TMC1: variants seen among roughly 807,000 people sequenced by gnomAD.
TMC1 encodes the protein transmembrane channel-like protein 1.
TMC1 carries 84 observed loss-of-function variants against 105.8 expected under a neutral mutation model. That is an observed-to-expected ratio of 0.79 (90% CI 0.67 to 0.95). The LOEUF (loss-of-function observed/expected upper bound fraction) is 0.95, where lower values mean the gene tolerates loss of function less well. Among genes scored for constraint, TMC1 ranks in the 40% least tolerant of loss-of-function variants. The probability of loss-of-function intolerance (pLI) is 0.00; values close to 1 mark genes in which losing one functional copy is unlikely to be tolerated. For missense variants in TMC1, 817 were observed against 914.1 expected, an observed-to-expected ratio of 0.89 and a Z score of 1.37; for synonymous variants, 315 against 311.5, an observed-to-expected ratio of 1.01 and a Z score of -0.12.
At chr9:72,694,826 CT>C in intron 7 of TMC1, 112 bp downstream of exon 7, 2 of 1,009,956 alleles carry the variant, frequency 2.0e-6, no homozygotes, top group Non-Finnish European at 3.0e-6. Context: ...GAAAGAGAGC[CT>C]TAATCTGATG....
In TMC1 at chr9:72,544,344, C is replaced by T. The variant is rs1037705254; in HGVS notation, c.-428+22431C>T. 5.9e-5 allele frequency among the ~76,000 whole-genome samples: 9 copies of T among 152,282 alleles called. No homozygotes were observed. The East Asian group carries it at 1.7e-3, about 29-fold the overall frequency. The stretch of plus-strand genomic sequence containing the variant: ...GACCAGGCCCCTCAAGGTATATCCA[C>T]TTCACTCAAGCCATGTTTGTCTCAT... On this transcript the variant is annotated intron_variant, in intron 1 of 23. Coordinates refer to ENST00000297784, the MANE Select transcript of TMC1 (RefSeq NM_138691.3).
At position 72,663,981 on chromosome 9, in the gene TMC1, C is replaced by T. The variant is rs544030249; in HGVS notation, c.16+15317C>T. ...CATCAATATCATTATCCACCACCTC[C>T]ACATCTTGTCCCACTGGAAGATCTT... is the stretch of plus-strand genomic sequence containing the variant. On this transcript the variant is annotated intron_variant, in intron 5 of 23. Coordinates refer to ENST00000297784, the MANE Select transcript of TMC1 (RefSeq NM_138691.3). Among the ~76,000 whole-genome samples the T allele has an allele frequency of 3.3e-5, 5 of 152,262 alleles. No homozygotes were observed. In the East Asian group the frequency reaches 9.7e-4, roughly 29 times the overall value.
At chr9:72,527,918 G>C (rs960263327) in intron 1 of TMC1, among the ~76,000 whole-genome samples, 1 of 152,094 alleles carries the variant, frequency 6.6e-6, no homozygotes, top group Admixed American at 6.5e-5. Context: ...TCTAAGATCT[G>C]AGAAGGAGCC....
chr9:72,793,046 C>T (rs1344885229), intron 17 of TMC1, among the ~76,000 whole-genome samples: 1 of 152,118 alleles, frequency 6.6e-6, no homozygotes, highest in African/African-American at 2.4e-5. Context: ...ACCCTTGTGT[C>T]AGGAGATATC....
At chr9:72,559,131 G>A (rs990423180) in intron 1 of TMC1, among the ~76,000 whole-genome samples, 11 of 149,734 alleles carry the variant, frequency 7.3e-5, no homozygotes, top group Non-Finnish European at 1.5e-4. Context: ...GTCTTGCTTC[G>A]TCGCCCAGGC....
intron 10 of TMC1, among the ~76,000 whole-genome samples, chr9:72,750,060 T>C (rs959476428): frequency 4.6e-5 from 7 of 152,054 alleles, no homozygotes; most frequent in African/African-American, 1.7e-4. Context: ...TGAGCCAAGA[T>C]TGCGCCACTG....
In TMC1 at chr9:72,570,229, T is replaced by TGTGTG. The variant is rs756068731; in HGVS notation, c.-427-7673_-427-7672insGTGTG. 6.0e-3 allele frequency among the ~76,000 whole-genome samples: 528 copies of TGTGTG among 87,632 alleles called. 2 individuals are homozygous for TGTGTG. The highest frequency in any genetic ancestry group is 0.03 in the African/African-American group (501 of 16,896). 57.5% of individuals were successfully genotyped at this position (87,632 alleles called of 152,430 possible). Reference sequence around the variant, plus strand: ...TTGAAAGGGGGTGGGGCTCAAAGAGTAGTGTGTGTGTGTGTGTGTGTGTGT... The same window carrying TGTGTG: ...TTGAAAGGGGGTGGGGCTCAAAGAGTGTGTGAGTGTGTGTGTGTGTGTGTGTGTGT... On this transcript the variant is annotated intron_variant, in intron 1 of 23. Coordinates refer to ENST00000297784, the MANE Select transcript of TMC1 (RefSeq NM_138691.3).
intron 12 of TMC1, among the ~76,000 whole-genome samples, chr9:72,758,301 A>G (rs1303521125): frequency 6.6e-6 from 1 of 152,212 alleles, no homozygotes; most frequent in Non-Finnish European, 1.5e-5. Context: ...CACATTCTCT[A>G]TACTAGGGTC....
At chr9:72,780,621 T>TA (rs1828081567) in intron 13 of TMC1, among the ~76,000 whole-genome samples, 1 of 152,046 alleles carries the variant, frequency 6.6e-6, no homozygotes, top group Non-Finnish European at 1.5e-5. Flanking sequence ...AAGAAATTGA[T>TA]AAAAATCTAT....
At chr9:72,624,360 C>A (rs556706163) in intron 3 of TMC1, among the ~76,000 whole-genome samples, 2 of 152,134 alleles carry the variant, frequency 1.3e-5, no homozygotes, top group Non-Finnish European at 2.9e-5. Context: ...AGTGTGAGAT[C>A]TGCTTTGTGT....
At chr9:72,573,172 A>G (rs1824316637) in intron 1 of TMC1, among the ~76,000 whole-genome samples, 1 of 152,150 alleles carries the variant, frequency 6.6e-6, no homozygotes, top group Admixed American at 6.5e-5. Flanking sequence ...ACCACATGAT[A>G]TGTGCCTGGT....
intron 1 of TMC1, among the ~76,000 whole-genome samples, chr9:72,529,825 C>G (rs1564392258): frequency 6.6e-6 from 1 of 152,090 alleles, no homozygotes; most frequent in Non-Finnish European, 1.5e-5. Context: ...AAACCAGTTT[C>G]CCTCACCTGC....
chr9:72,573,813 A>AG (rs1188981171), intron 1 of TMC1, among the ~76,000 whole-genome samples: 15 of 152,112 alleles, frequency 9.9e-5, no homozygotes, highest in African/African-American at 3.6e-4. Flanking sequence ...ATTTTAGGTT[A>AG]GGGGGTACAT....
intron 2 of TMC1, among the ~76,000 whole-genome samples, chr9:72,597,563 G>C (rs1036985354): frequency 4.6e-5 from 7 of 152,136 alleles, no homozygotes; most frequent in Non-Finnish European, 8.8e-5. Flanking sequence ...TTCTTACCCT[G>C]GGTCCTGAGT....
rs747235757 is a variant in TMC1 at position 72,816,104 on chromosome 9, T to C, written c.1696-39T>C. 36 of 1,595,398 alleles carry C rather than the reference T, an allele frequency of 2.3e-5. No homozygotes were observed. The East Asian group carries it at 6.7e-4, about 30-fold the overall frequency. ...ACAATTTGCCTTTCAGTTTTGACCA[T>C]GTGAGACGCTAATCCAATGAACATT... On this transcript the variant is annotated intron_variant, in intron 18 of 23. Transcript: ENST00000297784.
chr9:72,816,047 A>C (rs1039296586), intron 18 of TMC1, 96 bp from the exon 19 acceptor site: 8 of 1,001,162 alleles, frequency 8.0e-6, no homozygotes, highest in Non-Finnish European at 1.3e-5. Flanking sequence ...GCTGAAGGGA[A>C]GTAATTGAAA....
intron 1 of TMC1, among the ~76,000 whole-genome samples, chr9:72,552,812 G>C (rs1170077259): frequency 6.6e-6 from 1 of 151,950 alleles, no homozygotes; most frequent in Non-Finnish European, 1.5e-5. Flanking sequence ...TTTAATGGCT[G>C]ATCTATTTAT....
chr9:72,587,687 G>A (rs1824576633), intron 2 of TMC1, among the ~76,000 whole-genome samples: 1 of 152,048 alleles, frequency 6.6e-6, no homozygotes, highest in Non-Finnish European at 1.5e-5. Context: ...GCCCAGAATT[G>A]ACATATATTC....
chr9:72,602,630 C>T (rs1824837405), intron 2 of TMC1, among the ~76,000 whole-genome samples: 1 of 152,150 alleles, frequency 6.6e-6, no homozygotes, highest in Non-Finnish European at 1.5e-5. Context: ...CCGCCTCGGC[C>T]TCCCAAAATG....
Sources: allele counts gnomAD v4.1 joint callset (sites outside exome capture counted in the v4.1 genomes callset), GRCh38; gene constraint gnomAD v4.1.1; transcripts MANE v1.5; gene names NCBI Gene and HGNC (gene_info 2026-07-23, HGNC 2026-07-21).